Variants in PRKD2 observed in about 807,000 individuals in gnomAD.
PRKD2 encodes protein kinase D2.
In PRKD2, 22 loss-of-function variants were observed where a neutral mutation model predicts 86.0. That is an observed-to-expected ratio of 0.26 (90% CI 0.18 to 0.37). The LOEUF (loss-of-function observed/expected upper bound fraction) is 0.37, where lower values mean the gene tolerates loss of function less well. Ranked by LOEUF, PRKD2 falls within the 10% of genes least tolerant of loss-of-function variation. The pLI is 1.00. For synonymous variants in PRKD2, 509 were observed against 510.9 expected, an observed-to-expected ratio of 1.00 and a Z score of 0.05; for missense variants, 818 against 1,199.2, an observed-to-expected ratio of 0.68 and a Z score of 4.70.
Position 46,716,418 on chromosome 19 carries a change from CG to C in PRKD2, c.-49del. 72 of 707,920 alleles carry C rather than the reference CG, an allele frequency of 1.0e-4. No individual in the cohort carries two copies. The highest frequency in any genetic ancestry group is 1.3e-4 in the Non-Finnish European group (68 of 527,308). The allele number at this position is 707,920 out of a possible 1,614,324, so 43.9% of individuals were successfully genotyped here. A position where few individuals can be genotyped will look rare whatever the true frequency, so the allele number is the denominator to read the frequency against. The stretch of plus-strand genomic sequence containing the variant: ...GCCTGGAGCCCACCCGGGACCCGGC[CG>C]GGGGGCCCCGGGGGACCCTGGGTTC... On this transcript the variant is annotated 5_prime_UTR_variant, in exon 1 of 18. Transcript: ENST00000291281. This position sits in a 1 kb window ranked among gnomAD's most constrained non-coding sequence, Gnocchi z 7.9.
intron 14 of PRKD2, among the ~76,000 whole-genome samples, chr19:46,688,475 C>A (rs2053433992): frequency 6.9e-6 from 1 of 145,604 alleles, no homozygotes; most frequent in South Asian, 2.2e-4. Flanking sequence ...TCACTCTTGT[C>A]CCCCAGGCTG....
rs577369794 is a variant in PRKD2, at chr19:46,704,176, T to C, written c.882A>G (p.Gln294=). ...CCGACAGGCCCAGCTAACCTTTGCA[T>C]TGCAGGCCCTGCCGGAAGAGGCCCT... The part of the protein sequence containing the change: ...LLKGLFRQGL[Q]CKDCKFNCHK... The change falls in exon 5 of 18, where the codon CAA becomes CAG. Residue 294 remains glutamine (Q), a synonymous_variant. Transcript: ENST00000291281. 7 of 1,613,962 alleles carry C rather than the reference T, an allele frequency of 4.3e-6. No homozygotes were observed. Among genetic ancestry groups the C allele is most frequent in the South Asian group, 3.3e-5 (3 of 91,080 alleles).
chr19:46,698,568 A>C (rs1035536917), intron 7 of PRKD2, among the ~76,000 whole-genome samples: 2 of 152,238 alleles, frequency 1.3e-5, no homozygotes, highest in Non-Finnish European at 2.9e-5. Flanking sequence ...TTGTGGAGCC[A>C]GCTGTGTGAC....
intron 3 of PRKD2, 83 bp from the exon 4 acceptor site, chr19:46,704,732 A>G (rs2053688936): frequency 1.3e-6 from 2 of 1,491,380 alleles, no homozygotes; most frequent in African/African-American, 1.4e-5. Context: ...TTTCCACCCA[A>G]TCTCTCACCT....
At chr19:46,713,813 G>C in intron 2 of PRKD2, 50 bp downstream of exon 2, 8 of 681,410 alleles carry the variant, frequency 1.2e-5, no homozygotes, top group South Asian at 2.1e-5. Flanking sequence ...TCCCCCAGAT[G>C]CCCCGCCCCC....
chr19:46,697,858 G>A lies in PRKD2; in HGVS notation c.1122-8C>T. ...GGGATGTACCCCAGGGAGCTGCGAA[G>A]GAAGAGGAAGGGGTGAGAAGTCACA... is the stretch of plus-strand genomic sequence containing the variant. On this transcript the variant is annotated splice_region_variant and splice_polypyrimidine_tract_variant and intron_variant, in intron 7 of 17. Coordinates refer to ENST00000291281, the MANE Select transcript of PRKD2 (RefSeq NM_016457.5). The A allele has an allele frequency of 1.2e-6, 2 of 1,603,906 alleles. No individual in the cohort carries two copies. Among genetic ancestry groups the A allele is most frequent in the Non-Finnish European group, 1.7e-6 (2 of 1,171,012 alleles).
chr19:46,696,103 C>T (rs578227972), intron 9 of PRKD2, among the ~76,000 whole-genome samples: 52 of 152,196 alleles, frequency 3.4e-4, no homozygotes, highest in Admixed American at 1.4e-3. Context: ...CCTCTGAAAG[C>T]GCTGGGATTA....
intron 10 of PRKD2, 113 bp from the exon 11 acceptor site, chr19:46,692,098 C>T (rs1294525298): frequency 1.4e-5 from 14 of 1,027,230 alleles, no homozygotes; most frequent in South Asian, 6.6e-5. Flanking sequence ...ATCCAATGTT[C>T]GATACAATGT....
At chr19:46,694,191 G>T in intron 9 of PRKD2, 58 bp from the exon 10 acceptor site, 1 of 1,587,488 alleles carries the variant, frequency 6.3e-7, no homozygotes. Context: ...GAATTCTAGT[G>T]CTTACCCAGA....
At chr19:46,680,756 T>A (rs962671738) in intron 15 of PRKD2, among the ~76,000 whole-genome samples, 1 of 150,672 alleles carries the variant, frequency 6.6e-6, no homozygotes, top group Non-Finnish European at 1.5e-5. Flanking sequence ...CCAGCTGGAG[T>A]GCAGTGGCAC....
chr19:46,689,303 A>G (rs1322304755), intron 14 of PRKD2, among the ~76,000 whole-genome samples: 1 of 151,682 alleles, frequency 6.6e-6, no homozygotes, highest in Non-Finnish European at 1.5e-5. Context: ...TTGTATTTCT[A>G]GTAGAGACAG....
intron 16 of PRKD2, among the ~76,000 whole-genome samples, chr19:46,675,417 A>C: frequency 6.6e-6 from 1 of 152,024 alleles, no homozygotes; most frequent in East Asian, 1.9e-4. Context: ...AGGTACATAC[A>C]ATTACACCTG....
In PRKD2 at chr19:46,700,820, C is replaced by T. The variant is rs376747447; in HGVS notation, c.1100G>A (p.Gly367Asp). 43 of 1,614,044 alleles carry T rather than the reference C, an allele frequency of 2.7e-5. No individual in the cohort carries two copies. The highest frequency in any genetic ancestry group is 3.5e-5 in the Non-Finnish European group (41 of 1,180,004). Residue 367 changes from glycine (G) to aspartate (D), a missense_variant, in exon 7 of 18, where the codon GGC becomes GAC. Physicochemically the swap from Gly to Asp is moderately conservative, Grantham distance 94. Transcript: ENST00000291281. ...ATACCTCTGGGCCTTGCCTCCCTCG[C>T]CTTCCTCCTCCTCACTGGCGTGGAG... Reference protein sequence around the residue: ...NALHASEEEEGEGGKAQSSLG... With the variant: ...NALHASEEEEDEGGKAQSSLG...
chr19:46,689,520 G>A lies in PRKD2; in HGVS notation c.1971+17C>T, dbSNP rs962185820. On this transcript the variant is annotated intron_variant, in intron 14 of 17. Coordinates refer to ENST00000291281, the MANE Select transcript of PRKD2 (RefSeq NM_016457.5). ...CTGATGGGGAGGGGCGGGTGGCAGC[G>A]GGCAGGGCAGACGCACCTGGGTGAT... The A allele has an allele frequency of 1.3e-5, 21 of 1,582,416 alleles. No individual in the cohort carries two copies. The highest frequency in any genetic ancestry group is 1.6e-5 in the Non-Finnish European group (19 of 1,164,794).
chr19:46,685,462 G>A (rs923324254), intron 14 of PRKD2: 2 of 152,214 alleles, frequency 1.3e-5, no homozygotes, highest in Non-Finnish European at 2.9e-5. Context: ...AAGCTCAGGA[G>A]GTAAAGGGCT....
intron 14 of PRKD2, 62 bp from the exon 15 acceptor site, chr19:46,681,810 C>A: frequency 9.6e-7 from 1 of 1,044,274 alleles, no homozygotes; most frequent in Non-Finnish European, 1.5e-6. Flanking sequence ...ATCCCAACCT[C>A]AGCAGCCAGC....
chr19:46,674,429 T>G lies in PRKD2; in HGVS notation c.*94A>C. ...CCACTCCCCACGTGTCCCATCCAGT[T>G]TGGGCAGGAAGCCACTTTCCCTAGA... On this transcript the variant is annotated 3_prime_UTR_variant, in exon 18 of 18. Transcript: ENST00000291281. The G allele has an allele frequency of 7.3e-7, 1 of 1,362,854 alleles. No individual in the cohort carries two copies. Among genetic ancestry groups the G allele is most frequent in the Non-Finnish European group, 9.9e-7 (1 of 1,011,472 alleles). 84.4% of individuals were successfully genotyped at this position (1,362,854 alleles called of 1,614,324 possible).
chr19:46,680,946 A>T (rs977887428), intron 15 of PRKD2, among the ~76,000 whole-genome samples: 8,990 of 48,888 alleles, frequency 0.18, 1,057 homozygotes, highest in African/African-American at 0.23. Context: ...ATATATATAT[A>T]TTTTTTTTTT....
intron 2 of PRKD2, among the ~76,000 whole-genome samples, chr19:46,712,050 A>T (rs1294711411): frequency 6.6e-6 from 1 of 151,132 alleles, no homozygotes; most frequent in Non-Finnish European, 1.5e-5. Flanking sequence ...CCTGGGTGAC[A>T]GAGTAAGATT....
Sources: allele counts gnomAD v4.1 joint callset (sites outside exome capture counted in the v4.1 genomes callset), GRCh38; gene constraint gnomAD v4.1.1; non-coding constraint Gnocchi (gnomAD v3.1); transcripts MANE v1.5; gene names NCBI Gene and HGNC (gene_info 2026-07-23, HGNC 2026-07-21).